The following HS3ST4 variants were observed in gnomAD, a reference collection of about 807,000 sequenced individuals.
HS3ST4 encodes heparan sulfate-glucosamine 3-sulfotransferase 4.
HS3ST4 carries 17 observed loss-of-function variants against 29.2 expected under a neutral mutation model. The ratio of observed to expected loss-of-function variants is 0.58; its 90% CI spans 0.40 to 0.87. HS3ST4 has a LOEUF of 0.87. Ranked by LOEUF, HS3ST4 falls within the 40% of genes least tolerant of loss-of-function variation. The pLI is 0.00. For synonymous variants in HS3ST4, 314 were observed against 285.7 expected, an observed-to-expected ratio of 1.10 and a Z score of -1.00; for missense variants, 627 against 634.5, an observed-to-expected ratio of 0.99 and a Z score of 0.13.
chr16:25,749,989 A>G (rs1278941863), intron 1 of HS3ST4, among the ~76,000 whole-genome samples: 2 of 152,204 alleles, frequency 1.3e-5, no homozygotes, highest in African/African-American at 2.4e-5. Flanking sequence ...CACAACCACA[A>G]TTTTATTATG....
intron 1 of HS3ST4, among the ~76,000 whole-genome samples, chr16:25,715,060 C>T (rs150594637): frequency 0.012 from 1,783 of 152,058 alleles, 30 homozygotes; most frequent in African/African-American, 0.041. Context: ...CGGTGGCTCA[C>T]GCCTGTAATC....
intron 1 of HS3ST4, among the ~76,000 whole-genome samples, chr16:25,820,038 A>AC (rs1567247080): frequency 8.2e-6 from 1 of 122,278 alleles, no homozygotes; most frequent in Non-Finnish European, 1.7e-5. Context: ...AAAAAAAAAA[A>AC]AAAAAAAAAA....
At chr16:26,045,729 C>G (rs1898257606) in intron 1 of HS3ST4, among the ~76,000 whole-genome samples, 1 of 152,236 alleles carries the variant, frequency 6.6e-6, no homozygotes. Flanking sequence ...TTTTCCATCT[C>G]TCTTGACATT....
At chr16:26,079,104 G>A (rs922456126) in intron 1 of HS3ST4, among the ~76,000 whole-genome samples, 1 of 152,220 alleles carries the variant, frequency 6.6e-6, no homozygotes, top group African/African-American at 2.4e-5. Context: ...GACCAGTACT[G>A]TGGGTGCCAC....
chr16:25,961,879 A>G (rs1183715376), intron 1 of HS3ST4, among the ~76,000 whole-genome samples: 1 of 152,166 alleles, frequency 6.6e-6, no homozygotes, highest in Non-Finnish European at 1.5e-5. Flanking sequence ...CATGTGATTA[A>G]CCTCTATTTT....
At chr16:26,073,243 A>G (rs563552533) in intron 1 of HS3ST4, among the ~76,000 whole-genome samples, 1 of 152,330 alleles carries the variant, frequency 6.6e-6, no homozygotes, top group South Asian at 2.1e-4. Context: ...TCTTACAGGG[A>G]CATTGGATAT....
At chr16:26,102,240 T>C (rs1898998660) in intron 1 of HS3ST4, among the ~76,000 whole-genome samples, 1 of 129,448 alleles carries the variant, frequency 7.7e-6, no homozygotes, top group African/African-American at 2.8e-5. Flanking sequence ...GTTCCTATGA[T>C]TCAATCACAG....
At chr16:26,030,366 G>A (rs999786296) in intron 1 of HS3ST4, among the ~76,000 whole-genome samples, 40 of 152,162 alleles carry the variant, frequency 2.6e-4, no homozygotes, top group South Asian at 2.1e-4. Flanking sequence ...TGATTGTGCC[G>A]TTGCACTCTA....
intron 1 of HS3ST4, among the ~76,000 whole-genome samples, chr16:25,926,929 C>A (rs932512915): frequency 2.0e-5 from 3 of 152,090 alleles, no homozygotes; most frequent in African/African-American, 7.2e-5. Context: ...CTTTGGGTTC[C>A]CTCTGAAGGG....
intron 1 of HS3ST4, among the ~76,000 whole-genome samples, chr16:25,743,127 C>T (rs753921263): frequency 6.6e-5 from 10 of 152,156 alleles, no homozygotes; most frequent in Non-Finnish European, 1.0e-4. Flanking sequence ...ATGGCACTCA[C>T]GGGAAACCTT....
chr16:26,080,140 C>A (rs1041087719), intron 1 of HS3ST4, among the ~76,000 whole-genome samples: 1 of 152,100 alleles, frequency 6.6e-6, no homozygotes, highest in Non-Finnish European at 1.5e-5. Context: ...GAGAGCTCCA[C>A]CCACCTTGCT....
At chr16:26,122,995 A>G (rs1050909681) in intron 1 of HS3ST4, among the ~76,000 whole-genome samples, 1 of 151,392 alleles carries the variant, frequency 6.6e-6, no homozygotes, top group Admixed American at 6.6e-5. Flanking sequence ...CGGAGTTTGC[A>G]GTGAGCTGAG....
chr16:25,706,640 C>T (rs1205597485), intron 1 of HS3ST4, among the ~76,000 whole-genome samples: 1 of 152,108 alleles, frequency 6.6e-6, no homozygotes, highest in Non-Finnish European at 1.5e-5. Context: ...GTGGCCTAAC[C>T]TGCTTTCTAA....
intron 1 of HS3ST4, among the ~76,000 whole-genome samples, chr16:25,998,245 C>T (rs189882482): frequency 4.9e-4 from 74 of 152,246 alleles, no homozygotes; most frequent in Admixed American, 7.8e-4. Context: ...TGCACCACTG[C>T]ACTCCAGCCT....
intron 1 of HS3ST4, among the ~76,000 whole-genome samples, chr16:25,880,180 C>T (rs558672117): frequency 4.6e-5 from 7 of 152,226 alleles, no homozygotes; most frequent in Admixed American, 4.6e-4. Flanking sequence ...TATCAAGCAA[C>T]TTTTCTTTAT....
intron 1 of HS3ST4, among the ~76,000 whole-genome samples, chr16:25,718,374 C>T (rs546601884): frequency 9.2e-5 from 14 of 152,134 alleles, no homozygotes; most frequent in South Asian, 2.1e-4. Flanking sequence ...TGAAAATGAA[C>T]GGGACTTACC....
At chr16:25,726,055 C>A (rs185772150) in intron 1 of HS3ST4, among the ~76,000 whole-genome samples, 1,615 of 152,072 alleles carry the variant, frequency 0.011, 18 homozygotes, top group Non-Finnish European at 0.019. Context: ...CTTACATTTT[C>A]TGTTCTTTCA....
intron 1 of HS3ST4, among the ~76,000 whole-genome samples, chr16:26,085,522 A>G (rs527942467): frequency 7.1e-4 from 108 of 151,662 alleles, no homozygotes; most frequent in African/African-American, 2.5e-3. Context: ...ATATATATAT[A>G]TGTTATAAAA....
At chr16:26,068,701 C>G (rs995558271) in intron 1 of HS3ST4, among the ~76,000 whole-genome samples, 4 of 151,886 alleles carry the variant, frequency 2.6e-5, no homozygotes, top group Admixed American at 1.3e-4. Context: ...AATTAAAGAA[C>G]AAGTACAAAA....
Sources: gnomAD v4.1 joint callset for allele counts (sites outside exome capture counted in the v4.1 genomes callset) on GRCh38, gnomAD v4.1.1 for gene constraint, MANE v1.5 for transcripts, NCBI Gene and HGNC (gene_info 2026-07-23, HGNC 2026-07-21) for gene names.